MCPH1: variants seen among roughly 807,000 people sequenced by gnomAD.
The protein encoded by MCPH1 is microcephalin 1, also known as microcephalin.
Under a neutral mutation model 84.5 loss-of-function variants are expected in MCPH1, and 104 were observed. The ratio of observed to expected loss-of-function variants is 1.23; its 90% CI spans 1.05 to 1.45. MCPH1 has a LOEUF of 1.45. MCPH1 is among the 40% of genes most tolerant of loss of function. MCPH1 has a pLI of 0.00. For missense variants in MCPH1, 1,498 were observed against 1,005.7 expected, an observed-to-expected ratio of 1.49 and a Z score of -6.62; for synonymous variants, 514 against 366.8, an observed-to-expected ratio of 1.40 and a Z score of -4.58.
chr8:6,503,081 C>G (rs754213622), intron 12 of MCPH1: 1 of 1,613,760 alleles, frequency 6.2e-7, no homozygotes, highest in Non-Finnish European at 8.5e-7. Context: ...CGAGACAGTT[C>G]CTCAGGTGGA....
intron 11 of MCPH1, among the ~76,000 whole-genome samples, chr8:6,497,702 T>C (rs979234283): frequency 2.6e-5 from 4 of 152,310 alleles, no homozygotes; most frequent in African/African-American, 9.6e-5. Flanking sequence ...GAAATGCATA[T>C]GTGGCGGCAG....
Position 6,621,466 on chromosome 8 carries a change from G to A in MCPH1, c.2227G>A (p.Glu743Lys), listed in dbSNP as rs768268033. 1.5e-5 allele frequency: 24 copies of A among 1,614,052 alleles called. No homozygotes were observed. The South Asian group carries it at 1.9e-4, about 13-fold the overall frequency. Reference protein sequence around the residue: ...HFPAAPLCRSECHLSAGPYRG... With the variant: ...HFPAAPLCRSKCHLSAGPYRG... ...GTCTGCCCCACAGCTGTGCCGAAGC[G>A]AGTGCCACTTGTCTGCAGGGCCGTA... Residue 743 changes from glutamate to lysine, a missense_variant, in exon 13 of 14, where the codon GAG becomes AAG. Transcript: ENST00000344683.
At chr8:6,627,412 C>G in intron 13 of MCPH1, 2 of 399,816 alleles carry the variant, frequency 5.0e-6, no homozygotes, top group Non-Finnish European at 6.8e-6. Context: ...GGTTTCCACA[C>G]CCAGGAGCTC....
chr8:6,454,755 A>C (rs1395302778), intron 8 of MCPH1, among the ~76,000 whole-genome samples: 3 of 152,182 alleles, frequency 2.0e-5, no homozygotes, highest in Non-Finnish European at 4.4e-5. Context: ...ACTGACCCCA[A>C]AAGTTAGATT....
chr8:6,508,782 A>T (rs1041405735), intron 12 of MCPH1: 10 of 1,154,462 alleles, frequency 8.7e-6, no homozygotes, highest in African/African-American at 3.1e-5. Context: ...AAAAAGTGAA[A>T]AACACATTTA....
At chr8:6,523,211 G>A (rs2922891) in intron 12 of MCPH1, among the ~76,000 whole-genome samples, 11,582 of 152,020 alleles carry the variant, frequency 0.076, 526 homozygotes, top group African/African-American at 0.12. Flanking sequence ...GTTAGCCAGG[G>A]TGGTCTCGAT....
At chr8:6,492,461 G>T (rs35248379) in intron 11 of MCPH1, among the ~76,000 whole-genome samples, 90,260 of 151,262 alleles carry the variant, frequency 0.6, 29,904 homozygotes, top group East Asian at 0.78. Context: ...TTGCTGTGCA[G>T]AAGCTCTTTA....
chr8:6,467,163 G>C (rs1807085676), intron 9 of MCPH1, among the ~76,000 whole-genome samples: 1 of 152,168 alleles, frequency 6.6e-6, no homozygotes, highest in South Asian at 2.1e-4. Flanking sequence ...TGTGACTTTT[G>C]GATAGACTTA....
In MCPH1 at chr8:6,530,007, T is replaced by G. The variant is rs60202162; in HGVS notation, c.2214+30078T>G. Among the ~76,000 whole-genome samples the G allele has an allele frequency of 4.8e-3, 733 of 152,198 alleles. 5 individuals carry two copies. Among genetic ancestry groups the G allele is most frequent in the African/African-American group, 0.016 (645 of 41,528 alleles). On this transcript the variant is annotated intron_variant, in intron 12 of 13. Transcript: ENST00000344683. ...TAACACTTTTTCATTACTATTATTA[T>G]TTTTTATTTTTTTAAATTTTTGCCA...
chr8:6,414,720 G>T (rs1304032083), intron 2 of MCPH1, 45 bp from the exon 3 acceptor site: 3 of 1,603,330 alleles, frequency 1.9e-6, no homozygotes, highest in Non-Finnish European at 2.6e-6. Context: ...GTTAAGTTGT[G>T]AATGAACAGT....
intron 3 of MCPH1, among the ~76,000 whole-genome samples, chr8:6,426,739 T>G (rs1299420842): frequency 6.6e-6 from 1 of 152,228 alleles, no homozygotes; most frequent in Non-Finnish European, 1.5e-5. Context: ...GCAGTGTTCC[T>G]TTCACTCCAC....
At chr8:6,480,287 G>C (rs1809031512) in intron 10 of MCPH1, among the ~76,000 whole-genome samples, 1 of 152,080 alleles carries the variant, frequency 6.6e-6, no homozygotes, top group Admixed American at 6.6e-5. Flanking sequence ...ACCACGCCTG[G>C]CTAATTTTTG....
At chr8:6,572,878 A>G (rs1586675966) in intron 12 of MCPH1, among the ~76,000 whole-genome samples, 2 of 152,252 alleles carry the variant, frequency 1.3e-5, no homozygotes, top group East Asian at 3.8e-4. Context: ...CAAACCACGT[A>G]AGGGCTACGT....
intron 2 of MCPH1, among the ~76,000 whole-genome samples, chr8:6,411,482 C>G (rs541222539): frequency 6.6e-6 from 1 of 152,032 alleles, no homozygotes; most frequent in Non-Finnish European, 1.5e-5. Context: ...GCCAGAGAAG[C>G]CTTAAGGTGC....
intron 13 of MCPH1, among the ~76,000 whole-genome samples, chr8:6,634,691 G>A (rs953399785): frequency 1.3e-5 from 2 of 152,220 alleles, no homozygotes; most frequent in Non-Finnish European, 2.9e-5. Context: ...TGTGCTCGCT[G>A]CAGAAAAGTT....
At chr8:6,531,212 AGC>A (rs956968176) in intron 12 of MCPH1, among the ~76,000 whole-genome samples, 2 of 150,044 alleles carry the variant, frequency 1.3e-5, no homozygotes, top group African/African-American at 4.9e-5. Flanking sequence ...TGCATCATTT[AGC>A]ATGTCTCTCG....
At chr8:6,446,179 GTAATTA>G (rs1224183934) in intron 8 of MCPH1, 1 of 882,260 alleles carries the variant, frequency 1.1e-6, no homozygotes, top group East Asian at 1.2e-4. Context: ...TAATTTAATT[GTAATTA>G]TAATAAACCA....
chr8:6,414,703 A>C, intron 2 of MCPH1, 62 bp from the exon 3 acceptor site: 1 of 1,573,774 alleles, frequency 6.4e-7, no homozygotes, highest in Middle Eastern at 1.8e-4. Flanking sequence ...TTTTTTGATC[A>C]GTTGTAGTTA....
intron 8 of MCPH1, chr8:6,445,908 A>G (rs994909827): frequency 2.0e-6 from 2 of 1,003,016 alleles, no homozygotes; most frequent in Non-Finnish European, 2.4e-6. Flanking sequence ...TATACGATAG[A>G]GAGTTTTTTA....
Sources: allele counts gnomAD v4.1 joint callset (sites outside exome capture counted in the v4.1 genomes callset), GRCh38; gene constraint gnomAD v4.1.1; transcripts MANE v1.5; gene names NCBI Gene and HGNC (gene_info 2026-07-23, HGNC 2026-07-21).